The following GPR39 variants were observed in gnomAD, a reference collection of about 807,000 sequenced individuals.
GPR39 encodes G protein-coupled receptor 39, also known as zinc sensing receptor.
Under a neutral mutation model 18.4 loss-of-function variants are expected in GPR39, and 23 were observed. That is an observed-to-expected ratio of 1.25 (90% CI 0.90 to 1.77). The LOEUF is 1.77. GPR39 is among the 40% of genes most tolerant of loss of function. GPR39 has a pLI of 0.00. For synonymous variants in GPR39, 280 were observed against 257.9 expected, an observed-to-expected ratio of 1.09 and a Z score of -0.82; for missense variants, 647 against 602.4, an observed-to-expected ratio of 1.07 and a Z score of -0.78.
At chr2:132,624,516 T>A (rs1204216094) in intron 1 of GPR39, among the ~76,000 whole-genome samples, 1 of 152,240 alleles carries the variant, frequency 6.6e-6, no homozygotes, top group Non-Finnish European at 1.5e-5. Context: ...ACATTAGATG[T>A]TTATAGCTTG....
intron 1 of GPR39, among the ~76,000 whole-genome samples, chr2:132,444,567 C>A (rs960599118): frequency 5.3e-5 from 8 of 152,148 alleles, no homozygotes; most frequent in Admixed American, 4.6e-4. Context: ...AGATTACAGG[C>A]GTGAGCTACC....
At chr2:132,579,154 C>T (rs376905120) in intron 1 of GPR39, among the ~76,000 whole-genome samples, 2 of 142,742 alleles carry the variant, frequency 1.4e-5, no homozygotes, top group African/African-American at 2.6e-5. Flanking sequence ...AAATTTTGAT[C>T]TTTTTTTTTT....
chr2:132,621,042 G>A (rs1044778766), intron 1 of GPR39, among the ~76,000 whole-genome samples: 1 of 152,140 alleles, frequency 6.6e-6, no homozygotes, highest in African/African-American at 2.4e-5. Context: ...GTGAGCCACT[G>A]CGCCTGGCCA....
intron 1 of GPR39, among the ~76,000 whole-genome samples, chr2:132,581,334 G>A: frequency 9.0e-6 from 1 of 111,202 alleles, no homozygotes. Flanking sequence ...GAACGATAGT[G>A]ACTTTTTTTT....
intron 1 of GPR39, among the ~76,000 whole-genome samples, chr2:132,628,505 G>A (rs370200776): frequency 3.9e-5 from 6 of 152,158 alleles, no homozygotes; most frequent in African/African-American, 1.4e-4. Flanking sequence ...AAATAATTGG[G>A]CTGTCCTTTG....
chr2:132,620,435 T>A (rs946589246), intron 1 of GPR39, among the ~76,000 whole-genome samples: 2 of 152,194 alleles, frequency 1.3e-5, no homozygotes, highest in African/African-American at 4.8e-5. Context: ...ACCCCTCCCA[T>A]CTCAGTTTCC....
At chr2:132,608,610 C>G (rs1681182956) in intron 1 of GPR39, among the ~76,000 whole-genome samples, 1 of 152,234 alleles carries the variant, frequency 6.6e-6, no homozygotes, top group Admixed American at 6.5e-5. Context: ...ACAGATGCCG[C>G]TGCTTCTTGG....
At chr2:132,604,849 A>C (rs1681104666) in intron 1 of GPR39, 1 of 152,316 alleles carries the variant, frequency 6.6e-6, no homozygotes, top group Non-Finnish European at 1.5e-5. Flanking sequence ...TGGTGCTTGG[A>C]AAGTAAGGAG....
At chr2:132,469,058 A>G (rs1448559109) in intron 1 of GPR39, among the ~76,000 whole-genome samples, 1 of 152,196 alleles carries the variant, frequency 6.6e-6, no homozygotes, top group South Asian at 2.1e-4. Context: ...GAAGTTGTTC[A>G]GTTGATTCAA....
At chr2:132,605,698 T>C (rs1256020344) in intron 1 of GPR39, among the ~76,000 whole-genome samples, 1 of 152,190 alleles carries the variant, frequency 6.6e-6, no homozygotes, top group Non-Finnish European at 1.5e-5. Flanking sequence ...CAGTGGGATT[T>C]AATGAATCCA....
intron 1 of GPR39, among the ~76,000 whole-genome samples, chr2:132,593,940 A>G (rs957288896): frequency 6.6e-6 from 1 of 152,128 alleles, no homozygotes; most frequent in Non-Finnish European, 1.5e-5. Flanking sequence ...CGTTGCCTAG[A>G]AACTCATTCC....
chr2:132,527,614 C>T (rs1243999513), intron 1 of GPR39, among the ~76,000 whole-genome samples: 1 of 152,174 alleles, frequency 6.6e-6, no homozygotes, highest in African/African-American at 2.4e-5. Context: ...TGTTTCTTGA[C>T]TTTTTAATAA....
At chr2:132,456,838 C>T (rs370712765) in intron 1 of GPR39, among the ~76,000 whole-genome samples, 4 of 152,178 alleles carry the variant, frequency 2.6e-5, no homozygotes, top group Non-Finnish European at 5.9e-5. Flanking sequence ...GGGTTTCTGC[C>T]GAGAGATCCG....
chr2:132,579,282 T>A (rs1201321893), intron 1 of GPR39, among the ~76,000 whole-genome samples: 1 of 152,144 alleles, frequency 6.6e-6, no homozygotes, highest in African/African-American at 2.4e-5. Flanking sequence ...AAGTTTGTTA[T>A]TGATTTCTAG....
chr2:132,550,349 C>G (rs1462305807), intron 1 of GPR39, among the ~76,000 whole-genome samples: 1 of 152,136 alleles, frequency 6.6e-6, no homozygotes, highest in Non-Finnish European at 1.5e-5. Flanking sequence ...GATGGCAAGC[C>G]CGAGTCTTTG....
chr2:132,516,544 A>G (rs979069333), intron 1 of GPR39, among the ~76,000 whole-genome samples: 1 of 152,222 alleles, frequency 6.6e-6, no homozygotes, highest in Admixed American at 6.5e-5. Context: ...AGAACATACA[A>G]TGTCAGTGGG....
intron 1 of GPR39, among the ~76,000 whole-genome samples, chr2:132,436,776 G>T (rs371098137): frequency 6.6e-6 from 1 of 152,146 alleles, no homozygotes; most frequent in South Asian, 2.1e-4. Context: ...CTTCTGCTCG[G>T]TCCATCTCTC....
At chr2:132,494,671 T>A (rs1681604576) in intron 1 of GPR39, among the ~76,000 whole-genome samples, 5 of 152,314 alleles carry the variant, frequency 3.3e-5, no homozygotes, top group Admixed American at 3.3e-4. Context: ...CCATCCTATT[T>A]CTAGCAGATC....
intron 1 of GPR39, among the ~76,000 whole-genome samples, chr2:132,421,867 T>C (rs577819286): frequency 6.6e-6 from 1 of 152,112 alleles, no homozygotes; most frequent in East Asian, 1.9e-4. Flanking sequence ...GAATGAGATA[T>C]TGACAGTGGG....
Sources: allele counts gnomAD v4.1 joint callset (sites outside exome capture counted in the v4.1 genomes callset), GRCh38; gene constraint gnomAD v4.1.1; transcripts MANE v1.5; gene names NCBI Gene and HGNC (gene_info 2026-07-23, HGNC 2026-07-21).